The following APP variants were observed in gnomAD, a reference collection of about 807,000 sequenced individuals.
APP encodes the protein amyloid beta precursor protein, also known as amyloid-beta precursor protein.
Under a neutral mutation model 101.4 loss-of-function variants are expected in APP, and 31 were observed. That is an observed-to-expected ratio of 0.31 (90% CI 0.23 to 0.41). APP has a LOEUF of 0.41. Ranked by LOEUF, APP falls within the 10% of genes least tolerant of loss-of-function variation. The pLI is 1.00. For synonymous variants in APP, 366 were observed against 364.4 expected (o/e 1.00, Z -0.05); for missense variants, 839 against 1,003.7 (o/e 0.84, Z 2.22).
chr21:25,979,880 G>GA (rs56373334), intron 9 of APP, among the ~76,000 whole-genome samples: 152,087 of 152,094 alleles, frequency 1, 76,040 homozygotes, highest in Middle Eastern at 1. Context: ...AGGTCTCAAG[G>GA]TTTCTATCCA....
In APP at chr21:26,086,612, A is replaced by ACTG. The variant is rs1199919234; in HGVS notation, c.355+3330_355+3331insCAG. Among the ~76,000 whole-genome samples the ACTG allele has an allele frequency of 3.3e-5, 5 of 152,054 alleles. No individual in the cohort carries two copies. The East Asian group carries it at 9.6e-4, about 29-fold the overall frequency. ...ACATATATTTGGATACAGTCAAGAG[A>ACTG]TTTTAGAGCATACTTATGTTAATGC... On this transcript the variant is annotated intron_variant, in intron 3 of 17. Coordinates refer to ENST00000346798, the MANE Select transcript of APP (RefSeq NM_000484.4).
intron 11 of APP, among the ~76,000 whole-genome samples, chr21:25,960,176 T>C (rs980804262): frequency 2.2e-5 from 3 of 135,268 alleles, no homozygotes; most frequent in Non-Finnish European, 4.7e-5. Context: ...TGTGCATTCA[T>C]CTCATGACAG....
At position 26,150,646 on chromosome 21, in the gene APP, T is replaced by C. The variant is rs967000606; in HGVS notation, c.57+19918A>G. ...ATAGATAGACAGACAGACAGACAGA[T>C]TGACTGATTTGCTCTCTGCCCCACC... On this transcript the variant is annotated intron_variant, in intron 1 of 17. Coordinates refer to ENST00000346798, the MANE Select transcript of APP (RefSeq NM_000484.4). 7.1e-5 allele frequency among the ~76,000 whole-genome samples: 9 copies of C among 126,498 alleles called. No homozygotes were observed. In the East Asian group the frequency reaches 7.7e-4, roughly 11 times the overall value. The allele number at this position is 126,498 out of a possible 152,430, so 83.0% of individuals were successfully genotyped here.
chr21:25,891,030 C>G (rs1310944557), intron 17 of APP, among the ~76,000 whole-genome samples: 1 of 152,116 alleles, frequency 6.6e-6, no homozygotes, highest in Non-Finnish European at 1.5e-5. Flanking sequence ...ACACTTTTTC[C>G]CCCATCCAAA....
At chr21:25,901,296 TA>T (rs58481426) in intron 15 of APP, among the ~76,000 whole-genome samples, 1 of 85,562 alleles carries the variant, frequency 1.2e-5, no homozygotes. Context: ...AATCCTGTTT[TA>T]AAAAAAAAAA....
intron 13 of APP, among the ~76,000 whole-genome samples, chr21:25,913,156 C>CA (rs59561752): frequency 0.017 from 2,592 of 152,188 alleles, 81 homozygotes; most frequent in African/African-American, 0.06. Context: ...TTTCTATTGA[C>CA]AAAAAATGTA....
intron 8 of APP, among the ~76,000 whole-genome samples, chr21:25,996,309 C>G (rs1037511907): frequency 3.9e-5 from 6 of 152,102 alleles, no homozygotes; most frequent in African/African-American, 1.4e-4. Flanking sequence ...AAGAGGGGTT[C>G]CTAATGTCTA....
chr21:25,897,769 T>A, intron 15 of APP, 96 bp from the exon 16 acceptor site: 1 of 1,023,592 alleles, frequency 9.8e-7, no homozygotes, highest in Non-Finnish European at 1.5e-6. Flanking sequence ...AACTTCTTTC[T>A]AGGCCTGAAG....
At chr21:26,063,850 G>A (rs1284591469) in intron 3 of APP, among the ~76,000 whole-genome samples, 1 of 152,210 alleles carries the variant, frequency 6.6e-6, no homozygotes, top group South Asian at 2.1e-4. Context: ...ACATAAAGTG[G>A]GAAGAAGAGT....
intron 17 of APP, among the ~76,000 whole-genome samples, chr21:25,886,937 A>C (rs1569006400): frequency 6.6e-6 from 1 of 152,146 alleles, no homozygotes; most frequent in African/African-American, 2.4e-5. Context: ...CCAGTGTGAC[A>C]GCATATTACT....
intron 1 of APP, among the ~76,000 whole-genome samples, chr21:26,116,709 T>C (rs1278308308): frequency 6.6e-6 from 1 of 152,202 alleles, no homozygotes; most frequent in Non-Finnish European, 1.5e-5. Flanking sequence ...CACAGATCCA[T>C]AGCTTAGTTG....
At chr21:26,066,588 G>A (rs946150337) in intron 3 of APP, among the ~76,000 whole-genome samples, 32 of 150,554 alleles carry the variant, frequency 2.1e-4, no homozygotes, top group Admixed American at 1.6e-3. Context: ...AAAAGGTACC[G>A]CATATAAGTA....
At chr21:26,155,634 C>G (rs1259901455) in intron 1 of APP, among the ~76,000 whole-genome samples, 1 of 152,184 alleles carries the variant, frequency 6.6e-6, no homozygotes, top group African/African-American at 2.4e-5. Context: ...TGTTTTAAAA[C>G]CATGCTTTTG....
chr21:26,109,388 G>C (rs916335811), intron 2 of APP, among the ~76,000 whole-genome samples: 2 of 152,102 alleles, frequency 1.3e-5, no homozygotes, highest in Non-Finnish European at 2.9e-5. Context: ...CCGGGTGTTT[G>C]AAAGTGTGTA....
intron 15 of APP, among the ~76,000 whole-genome samples, chr21:25,898,394 A>G (rs907745765): frequency 1.3e-5 from 2 of 152,232 alleles, no homozygotes; most frequent in Non-Finnish European, 2.9e-5. Context: ...TTCAAATAAT[A>G]ATTTGAAGCT....
intron 2 of APP, 26 bp from the exon 3 acceptor site, chr21:26,090,098 A>G (rs1568961110): frequency 6.2e-7 from 1 of 1,613,386 alleles, no homozygotes; most frequent in South Asian, 1.1e-5. Context: ...AAAAGAATCA[A>G]TTGTTACTTG....
chr21:26,058,543 A>G (rs994867403), intron 3 of APP, among the ~76,000 whole-genome samples: 2 of 152,248 alleles, frequency 1.3e-5, no homozygotes, highest in African/African-American at 2.4e-5. Context: ...GAATTCCAGG[A>G]AGCAAACAGA....
At chr21:25,909,939 A>T (rs552866291) in intron 14 of APP, among the ~76,000 whole-genome samples, 1 of 152,218 alleles carries the variant, frequency 6.6e-6, no homozygotes, top group East Asian at 1.9e-4. Context: ...GCTGTTTGCT[A>T]TTACTGTAAG....
intron 16 of APP, among the ~76,000 whole-genome samples, chr21:25,892,194 A>C (rs1243482849): frequency 6.6e-6 from 1 of 152,194 alleles, no homozygotes; most frequent in African/African-American, 2.4e-5. Context: ...GGGACCTGAA[A>C]CCCTTTGACA....
Sources: gnomAD v4.1 joint callset for allele counts (sites outside exome capture counted in the v4.1 genomes callset) on GRCh38, gnomAD v4.1.1 for gene constraint, MANE v1.5 for transcripts, NCBI Gene and HGNC (gene_info 2026-07-23, HGNC 2026-07-21) for gene names.